Variants in ASXL2 observed in about 807,000 individuals in gnomAD.
The protein encoded by ASXL2 is ASXL transcriptional regulator 2.
ASXL2 carries 23 observed loss-of-function variants against 122.0 expected under a neutral mutation model. The ratio of observed to expected loss-of-function variants is 0.19; its 90% CI spans 0.14 to 0.27. ASXL2 has a LOEUF of 0.27. ASXL2 is among the 10% of genes least tolerant of loss of function. The pLI, the probability that ASXL2 is intolerant of heterozygous loss-of-function variation, is 1.00. For synonymous variants in ASXL2, 650 were observed against 637.0 expected, an observed-to-expected ratio of 1.02 and a Z score of -0.31; for missense variants, 1,518 against 1,713.8, an observed-to-expected ratio of 0.89 and a Z score of 2.02.
At chr2:25,856,401 T>TTG in intron 1 of ASXL2, 1 of 606,032 alleles carries the variant, frequency 1.7e-6, no homozygotes, top group Non-Finnish European at 3.0e-6. Flanking sequence ...AGTGTTTATT[T>TTG]CAGGAAGCAG....
intron 1 of ASXL2, among the ~76,000 whole-genome samples, chr2:25,851,005 G>A (rs2089709696): frequency 6.6e-6 from 1 of 152,086 alleles, no homozygotes; most frequent in African/African-American, 2.4e-5. Context: ...CAGGTGTGGG[G>A]GCGCATGCCT....
intron 1 of ASXL2, among the ~76,000 whole-genome samples, chr2:25,877,071 G>A (rs920470824): frequency 2.6e-5 from 4 of 151,922 alleles, no homozygotes; most frequent in African/African-American, 9.7e-5. Flanking sequence ...TTTCCCCACA[G>A]TGAACATTAC....
At position 25,741,842 on chromosome 2, in the gene ASXL2, C is replaced by CTA; in HGVS notation, c.*185_*186dup. On this transcript the variant is annotated 3_prime_UTR_variant, in exon 13 of 13. Transcript: ENST00000435504. The stretch of plus-strand genomic sequence containing the variant: ...CAAAGTCTTGCTTGACTTAGACTTA[C>CTA]TATACAAGGTGCTCTTCCTCTAAAA... 1.7e-6 allele frequency: 1 copy of CTA among 575,890 alleles called. No individual in the cohort carries two copies. The highest frequency in any genetic ancestry group is 3.0e-6 in the Non-Finnish European group (1 of 331,398). The allele number at this position is 575,890 out of a possible 1,614,324, so 35.7% of individuals were successfully genotyped here. A position where few individuals can be genotyped will look rare whatever the true frequency, so the allele number is the denominator to read the frequency against.
At chr2:25,801,669 C>A (rs926846463) in intron 4 of ASXL2, among the ~76,000 whole-genome samples, 2 of 152,082 alleles carry the variant, frequency 1.3e-5, no homozygotes, top group Non-Finnish European at 2.9e-5. Context: ...ACTGCCTATG[C>A]CCCAAATTCT....
In ASXL2 at chr2:25,740,651, A is replaced by C. The variant is rs1430341707; in HGVS notation, c.*1378T>G. 8.8e-6 allele frequency: 2 copies of C among 227,162 alleles called. No homozygotes were observed. The highest frequency in any genetic ancestry group is 1.3e-4 in the East Asian group (2 of 15,778). 14.1% of individuals were successfully genotyped at this position (227,162 alleles called of 1,614,324 possible). On this transcript the variant is annotated 3_prime_UTR_variant, in exon 13 of 13. Coordinates refer to ENST00000435504, the MANE Select transcript of ASXL2 (RefSeq NM_018263.6). ...AACAAAAAAGGAAACAAGAAAGAAA[A>C]AGAAACAAAAACAAGCAACCAAAAA...
intron 12 of ASXL2, among the ~76,000 whole-genome samples, chr2:25,748,176 T>C (rs768594867): frequency 7.1e-6 from 1 of 141,064 alleles, no homozygotes; most frequent in Non-Finnish European, 1.5e-5. Flanking sequence ...AGACTCCATC[T>C]TGGGGGGCAA....
At chr2:25,862,618 G>C (rs1308227912) in intron 1 of ASXL2, among the ~76,000 whole-genome samples, 1 of 152,144 alleles carries the variant, frequency 6.6e-6, no homozygotes, top group Admixed American at 6.5e-5. Flanking sequence ...TTTGTTTTTT[G>C]AGACAGAATC....
intron 3 of ASXL2, among the ~76,000 whole-genome samples, chr2:25,809,689 C>T (rs1230351181): frequency 1.7e-4 from 26 of 152,184 alleles, no homozygotes; most frequent in Admixed American, 1.7e-3. Flanking sequence ...CTTTTAAAGG[C>T]ATTATGCATT....
Position 25,799,389 on chromosome 2 carries a change from C to A in ASXL2, c.399G>T (p.Arg133Ser), listed in dbSNP as rs765904076. 6.2e-7 allele frequency: 1 copy of A among 1,613,970 alleles called. No homozygotes were observed. Among genetic ancestry groups the A allele is most frequent in the Non-Finnish European group, 8.5e-7 (1 of 1,179,876 alleles). ...NKEGKKSRWK[R>S]KVSSSSPQSG... ...TGAAGGATCAGGTGGATTTACCTTT[C>A]CTTTTCCACCTGCTCTTTTTTCCCT... The change falls in exon 5 of 13, where the codon AGG becomes AGT. Residue 133 changes from arginine to serine, a missense_variant. By Grantham distance (110) the Arg-to-Ser change is moderately radical. This residue lies in a region of ASXL2 where 198 missense variants were observed against 209.0 expected (regional missense o/e 0.95). Transcript: ENST00000435504.
rs1304895148 is a variant in ASXL2 at position 25,750,266 on chromosome 2, C to T, written c.1290G>A (p.Glu430=). ...ACATTTGCAATGCTTCTTCTTTACA[C>T]TCTGACTGGGAGACTACTGGAACTA... ...IRIVPVVSQS[E]CKEEALQMSS... is the part of the protein sequence containing the mutation. The change falls in exon 12 of 13, where the codon GAG becomes GAA. Residue 430 remains glutamate (E), a synonymous_variant. Coordinates refer to ENST00000435504, the MANE Select transcript of ASXL2 (RefSeq NM_018263.6). The T allele has an allele frequency of 1.9e-6, 3 of 1,613,898 alleles. No individual in the cohort carries two copies. The highest frequency in any genetic ancestry group is 2.5e-6 in the Non-Finnish European group (3 of 1,179,896).
At chr2:25,877,822 GAGA>G (rs1194821885) in intron 1 of ASXL2, among the ~76,000 whole-genome samples, 2 of 152,230 alleles carry the variant, frequency 1.3e-5, no homozygotes, top group Non-Finnish European at 2.9e-5. Flanking sequence ...CCGCACAAGG[GAGA>G]AGAACCGGTT....
At chr2:25,803,178 G>A (rs2089026063) in intron 4 of ASXL2, among the ~76,000 whole-genome samples, 1 of 141,004 alleles carries the variant, frequency 7.1e-6, no homozygotes, top group East Asian at 2.0e-4. Flanking sequence ...TGATTTAGCT[G>A]ATCACATGGA....
At position 25,735,258 on chromosome 2, in the gene ASXL2, A is replaced by G. The variant is rs576288544; in HGVS notation, c.*6771T>C. The G allele has an allele frequency of 6.6e-6, 1 of 152,334 alleles. No individual in the cohort carries two copies. Among genetic ancestry groups the G allele is most frequent in the African/African-American group, 2.4e-5 (1 of 41,584 alleles). 9.4% of individuals were successfully genotyped at this position (152,334 alleles called of 1,614,324 possible). On this transcript the variant is annotated 3_prime_UTR_variant, in exon 13 of 13. Transcript: ENST00000435504. The stretch of plus-strand genomic sequence containing the variant: ...TACAGTCTCTATGAAAAACAAAAGC[A>G]AAACTCAATCTATTATTAAATGTTA...
At chr2:25,748,102 C>T (rs775418214) in intron 12 of ASXL2, among the ~76,000 whole-genome samples, 2 of 152,032 alleles carry the variant, frequency 1.3e-5, no homozygotes, top group African/African-American at 4.8e-5. Context: ...CCCTTGAATC[C>T]GGGAGGTGGA....
chr2:25,750,445 G>T (rs1559500557), intron 11 of ASXL2, 32 bp from the exon 12 acceptor site: 5 of 1,530,136 alleles, frequency 3.3e-6, no homozygotes, highest in South Asian at 1.3e-5. Context: ...TATTCCAGTT[G>T]AAAAATAGCC....
intron 6 of ASXL2, among the ~76,000 whole-genome samples, chr2:25,771,096 C>A (rs760538690): frequency 6.6e-6 from 1 of 151,868 alleles, no homozygotes; most frequent in Non-Finnish European, 1.5e-5. Flanking sequence ...ATTAGCTGGG[C>A]GTGGTGGCAG....
chr2:25,752,645 C>T lies in ASXL2; in HGVS notation c.1142+889G>A, dbSNP rs557672731. Among the ~76,000 whole-genome samples the T allele has an allele frequency of 2.6e-5, 4 of 152,048 alleles. No individual in the cohort carries two copies. In the South Asian group the frequency reaches 6.2e-4, roughly 24 times the overall value. ...GGCAGATCACCTGAAGTCAGGAGTT[C>T]GAGACCAGCCTGGCCAACATGGTGA... On this transcript the variant is annotated intron_variant, in intron 11 of 12. Coordinates refer to ENST00000435504, the MANE Select transcript of ASXL2 (RefSeq NM_018263.6).
intron 11 of ASXL2, among the ~76,000 whole-genome samples, chr2:25,752,119 T>C (rs2088056606): frequency 6.6e-6 from 1 of 152,174 alleles, no homozygotes. Context: ...CCTAAATGAC[T>C]GTGAAGGAGA....
chr2:25,840,931 A>T (rs1312382467), intron 2 of ASXL2, among the ~76,000 whole-genome samples: 1 of 152,250 alleles, frequency 6.6e-6, no homozygotes, highest in African/African-American at 2.4e-5. Context: ...AAAATAAAAC[A>T]GTAAGTAGTC....
Sources: allele counts gnomAD v4.1 joint callset (sites outside exome capture counted in the v4.1 genomes callset), GRCh38; gene constraint gnomAD v4.1.1; regional missense constraint gnomAD v4.1.1; transcripts MANE v1.5; gene names NCBI Gene and HGNC (gene_info 2026-07-23, HGNC 2026-07-21).